The following TFRC variants were observed in gnomAD, a reference collection of about 807,000 sequenced individuals.
TFRC encodes transferrin receptor protein 1.
In TFRC, 35 loss-of-function variants were observed where a neutral mutation model predicts 85.8. The observed-to-expected ratio is 0.41, with a 90% CI of 0.31 to 0.54. TFRC has a LOEUF of 0.54. TFRC is among the 20% of genes least tolerant of loss of function. The pLI is 0.31. For missense variants in TFRC, 828 were observed against 921.5 expected (o/e 0.90, Z 1.31); for synonymous variants, 362 against 328.6 (o/e 1.10, Z -1.10).
chr3:196,078,722 C>T (rs190044525), intron 1 of TFRC, among the ~76,000 whole-genome samples: 1 of 151,942 alleles, frequency 6.6e-6, no homozygotes, highest in African/African-American at 2.4e-5. Context: ...TTTTTAAATT[C>T]AAGCTTTAAA....
chr3:196,073,766 T>C (rs765243507), intron 4 of TFRC, among the ~76,000 whole-genome samples, 164 bp downstream of exon 4: 8 of 152,186 alleles, frequency 5.3e-5, no homozygotes, highest in Non-Finnish European at 2.9e-5. Context: ...CCTACCAGTA[T>C]AGTTTCAGTT....
chr3:196,073,290 T>TAA (rs35883754), intron 4 of TFRC, among the ~76,000 whole-genome samples: 3 of 135,454 alleles, frequency 2.2e-5, no homozygotes, highest in African/African-American at 5.5e-5. Flanking sequence ...CTCCATCTCT[T>TAA]AAAAAAAAAA....
chr3:196,058,661 T>C (rs1717022119), intron 14 of TFRC, 29 bp from the exon 15 acceptor site: 4 of 1,562,480 alleles, frequency 2.6e-6, no homozygotes, highest in Non-Finnish European at 3.5e-6. Flanking sequence ...TCATTAAAAC[T>C]AACCTTTTGG....
At chr3:196,070,774 A>AAT (rs1718122381) in intron 6 of TFRC, among the ~76,000 whole-genome samples, 1 of 135,784 alleles carries the variant, frequency 7.4e-6, no homozygotes, top group Non-Finnish European at 1.6e-5. Context: ...TGTCTCTACC[A>AAT]AATAATAATA....
At chr3:196,073,685 T>C (rs574498040) in intron 4 of TFRC, among the ~76,000 whole-genome samples, 1 of 152,204 alleles carries the variant, frequency 6.6e-6, no homozygotes, top group East Asian at 1.9e-4. Flanking sequence ...GCTACAAAGA[T>C]GGGGAAAACA....
At chr3:196,078,084 T>A (rs536110032) in intron 1 of TFRC, among the ~76,000 whole-genome samples, 2 of 152,312 alleles carry the variant, frequency 1.3e-5, no homozygotes, top group Non-Finnish European at 2.9e-5. Context: ...ACATTAACCT[T>A]AACTTTTGTC....
chr3:196,075,046 C>CAAAAAAAAAAAAAAAAAAAAAAAAAAA (rs56119775), intron 3 of TFRC, 113 bp downstream of exon 3: 1 of 461,646 alleles, frequency 2.2e-6, no homozygotes, highest in Non-Finnish European at 3.3e-6. Flanking sequence ...CCTCTGTCTC[C>CAAAAAAAAAAAAAAAAAAAAAAAAAAA]AAAAAAAAAA....
chr3:196,066,130 A>C (rs1199272947), intron 9 of TFRC, among the ~76,000 whole-genome samples: 1 of 14,858 alleles, frequency 6.7e-5, no homozygotes, highest in Non-Finnish European at 2.4e-4. Flanking sequence ...ACACTTCTCT[A>C]ACTATGCGCC....
At chr3:196,064,228 C>A in intron 11 of TFRC, 81 bp downstream of exon 11, 1 of 1,390,964 alleles carries the variant, frequency 7.2e-7, no homozygotes, top group South Asian at 1.7e-5. Context: ...GGAATGCAGG[C>A]AAAGTGAGCA....
intron 10 of TFRC, 27 bp downstream of exon 10, chr3:196,065,416 G>A (rs1199352542): frequency 2.7e-6 from 2 of 737,814 alleles, no homozygotes; most frequent in African/African-American, 3.2e-5. Context: ...AAAAAGCGGG[G>A]CGGGGGGGGG....
At chr3:196,065,124 T>C (rs1717605765) in intron 10 of TFRC, among the ~76,000 whole-genome samples, 1 of 151,798 alleles carries the variant, frequency 6.6e-6, no homozygotes, top group African/African-American at 2.4e-5. Flanking sequence ...TAGCCAGGCG[T>C]GGTGGCGCAT....
At chr3:196,065,950 C>G (rs1221816154) in intron 9 of TFRC, among the ~76,000 whole-genome samples, 3 of 151,410 alleles carry the variant, frequency 2.0e-5, no homozygotes, top group Non-Finnish European at 2.9e-5. Context: ...GATCACGCCA[C>G]TGCACTCCAG....
chr3:196,079,496 C>A (rs1260700875), intron 1 of TFRC, among the ~76,000 whole-genome samples: 1 of 152,116 alleles, frequency 6.6e-6, no homozygotes, highest in Non-Finnish European at 1.5e-5. Flanking sequence ...TGCCTGTAAT[C>A]CCAGCTACTG....
rs17788373 is a variant in TFRC at position 196,049,719 on chromosome 3, G to A, written c.*2223C>T. On this transcript the variant is annotated 3_prime_UTR_variant, in exon 19 of 19. Coordinates refer to ENST00000360110, the MANE Select transcript of TFRC (RefSeq NM_001128148.3). ...ATGCCACATGCTTTCATTTAAGTACGTGTGCGTAACACCCGAACCAGGAAT... is the reference window on the plus strand; with the variant it reads ...ATGCCACATGCTTTCATTTAAGTACATGTGCGTAACACCCGAACCAGGAAT... 11,017 of 229,830 alleles carry A rather than the reference G, an allele frequency of 0.048. 331 individuals carry two copies. The highest frequency in any genetic ancestry group is 0.092 in the Middle Eastern group (71 of 768). The allele number at this position is 229,830 out of a possible 1,614,324, so 14.2% of individuals were successfully genotyped here.
chr3:196,080,596 C>G (rs1719086781), intron 1 of TFRC, among the ~76,000 whole-genome samples: 1 of 152,242 alleles, frequency 6.6e-6, no homozygotes, highest in African/African-American at 2.4e-5. Flanking sequence ...AATCTTGCTC[C>G]ATGACATTTA....
intron 13 of TFRC, chr3:196,062,273 T>C (rs1560074829): frequency 6.2e-6 from 2 of 321,768 alleles, no homozygotes; most frequent in Non-Finnish European, 1.1e-5. Context: ...CCAGGCACAG[T>C]GGCCCACATC....
rs1718257072 is a variant in TFRC at position 196,072,058 on chromosome 3, T to G, written c.529A>C (p.Lys177Gln). The change falls in exon 5 of 19, where the codon AAA becomes CAA. Residue 177 changes from lysine to glutamine, a missense_variant. Coordinates refer to ENST00000360110, the MANE Select transcript of TFRC (RefSeq NM_001128148.3). ...LYVENQFREFKLSKVWRDQHF... is the reference protein window; with the variant it reads ...LYVENQFREFQLSKVWRDQHF... Reference sequence around the variant, plus strand: ...TGATCACGCCAGACTTTGCTGAGTTTAAATTCACGAAATTGATTTTCAACA... The same window carrying G: ...TGATCACGCCAGACTTTGCTGAGTTGAAATTCACGAAATTGATTTTCAACA... 1 of 1,614,222 alleles carries G rather than the reference T, an allele frequency of 6.2e-7. No individual in the cohort carries two copies. The highest frequency in any genetic ancestry group is 8.5e-7 in the Non-Finnish European group (1 of 1,180,044).
intron 16 of TFRC, among the ~76,000 whole-genome samples, chr3:196,056,323 C>G (rs1716792224): frequency 6.6e-6 from 1 of 152,132 alleles, no homozygotes; most frequent in Non-Finnish European, 1.5e-5. Flanking sequence ...GTTACTGCAC[C>G]CAGCCTGAGG....
At chr3:196,071,358 A>G (rs762551113) in intron 6 of TFRC, 38 bp downstream of exon 6, 1 of 1,523,580 alleles carries the variant, frequency 6.6e-7, no homozygotes, top group South Asian at 1.1e-5. Flanking sequence ...GAATGATTCA[A>G]TAGGGAAGAG....
Sources: allele counts gnomAD v4.1 joint callset (sites outside exome capture counted in the v4.1 genomes callset), GRCh38; gene constraint gnomAD v4.1.1; transcripts MANE v1.5; gene names NCBI Gene and HGNC (gene_info 2026-07-23, HGNC 2026-07-21).